The following ZBTB16 variants were observed in gnomAD, a reference collection of about 807,000 sequenced individuals.
ZBTB16 encodes zinc finger and BTB domain-containing protein 16.
A neutral mutation model predicts 56.8 loss-of-function variants in ZBTB16; 8 were observed. The observed-to-expected ratio is 0.14, with a 90% CI of 0.08 to 0.25. The LOEUF is 0.25. Ranked by LOEUF, ZBTB16 falls within the 10% of genes least tolerant of loss-of-function variation. The probability of loss-of-function intolerance (pLI) is 1.00; values close to 1 mark genes in which losing one functional copy is unlikely to be tolerated. For synonymous variants in ZBTB16, 363 were observed against 368.5 expected (o/e 0.98, Z 0.17); for missense variants, 625 against 903.0 (o/e 0.69, Z 3.95).
Position 114,064,547 on chromosome 11 carries a change from A to G in ZBTB16, c.1247A>G (p.Asn416Ser). 1 of 1,613,812 alleles carries G rather than the reference A, an allele frequency of 6.2e-7. No individual in the cohort carries two copies. The highest frequency in any genetic ancestry group is 2.2e-5 in the East Asian group (1 of 44,852). ...CSVCGVELPDNEAVEQHRKLH... is the reference protein window; with the variant it reads ...CSVCGVELPDSEAVEQHRKLH... ...GTGTGTGGGGTCGAGCTTCCTGATAACGAGGCTGTGGAGCAGCACAGGTAG... is the reference window on the plus strand; with the variant it reads ...GTGTGTGGGGTCGAGCTTCCTGATAGCGAGGCTGTGGAGCAGCACAGGTAG... The change falls in exon 2 of 7, where the codon AAC becomes AGC. Residue 416 changes from asparagine to serine, a missense_variant. Around this residue, in one of 6 missense-constraint regions of ZBTB16, gnomAD observed 384 missense variants for 393.5 expected, o/e 0.98. Transcript: ENST00000335953. The surrounding 1 kb of genome is among the most constrained non-coding windows in gnomAD (Gnocchi z 4.2).
chr11:114,201,979 A>G (rs1285912601), intron 4 of ZBTB16, among the ~76,000 whole-genome samples: 1 of 152,236 alleles, frequency 6.6e-6, no homozygotes, highest in Non-Finnish European at 1.5e-5. Context: ...TGCAAGTACA[A>G]ATAAATGAGT....
At chr11:114,208,796 A>T (rs1306791183) in intron 4 of ZBTB16, among the ~76,000 whole-genome samples, 1 of 152,236 alleles carries the variant, frequency 6.6e-6, no homozygotes, top group African/African-American at 2.4e-5. Flanking sequence ...TAATGAGGGA[A>T]ACAGACTGGT....
intron 4 of ZBTB16, among the ~76,000 whole-genome samples, chr11:114,199,893 C>A (rs1943696389): frequency 6.6e-6 from 1 of 152,118 alleles, no homozygotes; most frequent in Non-Finnish European, 1.5e-5. Flanking sequence ...CTTTGGGAGG[C>A]CGAGGTGGGC....
In ZBTB16 at chr11:114,206,921, G is replaced by T. The variant is rs192396781; in HGVS notation, c.1453+19883G>T. On this transcript the variant is annotated intron_variant, in intron 4 of 6. Transcript: ENST00000335953. ...TCTCTCAGGTGCCCTTGGTTTGACAGCTGCAGCTTGTTGGTCTGAAGGCAA... is the reference window on the plus strand; with the variant it reads ...TCTCTCAGGTGCCCTTGGTTTGACATCTGCAGCTTGTTGGTCTGAAGGCAA... Among the ~76,000 whole-genome samples, 508 of 152,308 alleles carry T rather than the reference G, an allele frequency of 3.3e-3. 4 individuals carry two copies. Among genetic ancestry groups the T allele is most frequent in the African/African-American group, 0.012 (486 of 41,562 alleles).
chr11:114,203,210 C>T (rs953979800), intron 4 of ZBTB16, among the ~76,000 whole-genome samples: 1 of 152,158 alleles, frequency 6.6e-6, no homozygotes, highest in African/African-American at 2.4e-5. Context: ...ACATGAAAGG[C>T]CATGAATTAG....
At chr11:114,190,552 T>A (rs1422342331) in intron 4 of ZBTB16, among the ~76,000 whole-genome samples, 1 of 152,208 alleles carries the variant, frequency 6.6e-6, no homozygotes, top group Non-Finnish European at 1.5e-5. Flanking sequence ...TGAAAAATCC[T>A]AAGTCGGGGA....
chr11:114,194,644 C>T (rs1018440008), intron 4 of ZBTB16, among the ~76,000 whole-genome samples: 7 of 152,220 alleles, frequency 4.6e-5, no homozygotes, highest in African/African-American at 1.7e-4. Context: ...AACAGCTAGG[C>T]AGTTCCCGAG....
At chr11:114,197,622 G>C (rs1341275843) in intron 4 of ZBTB16, among the ~76,000 whole-genome samples, 2 of 137,454 alleles carry the variant, frequency 1.5e-5, no homozygotes, top group Non-Finnish European at 3.1e-5. Flanking sequence ...CTTCAGAGTA[G>C]AAAATGAAGT....
rs573851958 is a variant in ZBTB16 at position 114,105,367 on chromosome 11, A to G, written c.1268+40799A>G. 7.9e-5 allele frequency among the ~76,000 whole-genome samples: 12 copies of G among 152,054 alleles called. No individual in the cohort carries two copies. In the South Asian group the frequency reaches 1.2e-3, roughly 16 times the overall value. ...GCAATTCTCCTGCCTCAGCCTCCCA[A>G]GTAGCTGGGACTACAGGCATTGCCA... On this transcript the variant is annotated intron_variant, in intron 2 of 6. Coordinates refer to ENST00000335953, the MANE Select transcript of ZBTB16 (RefSeq NM_006006.6).
intron 2 of ZBTB16, among the ~76,000 whole-genome samples, chr11:114,119,244 G>C (rs1475160430): frequency 7.5e-6 from 1 of 132,640 alleles, no homozygotes; most frequent in Non-Finnish European, 1.6e-5. Context: ...CAGCCCGGGT[G>C]AGAGAGTGAA....
chr11:114,127,093 C>T (rs775733485), intron 2 of ZBTB16, among the ~76,000 whole-genome samples: 1 of 152,108 alleles, frequency 6.6e-6, no homozygotes, highest in Non-Finnish European at 1.5e-5. Context: ...TTCCCCCTTG[C>T]CCCCCAACTC....
intron 2 of ZBTB16, among the ~76,000 whole-genome samples, chr11:114,067,587 A>G (rs771797709): frequency 1.3e-5 from 2 of 151,970 alleles, no homozygotes; most frequent in Non-Finnish European, 2.9e-5. Flanking sequence ...TTGTATTTTT[A>G]GTAGAGATGG....
intron 3 of ZBTB16, among the ~76,000 whole-genome samples, chr11:114,171,725 T>G (rs1565666213): frequency 6.6e-6 from 1 of 152,216 alleles, no homozygotes; most frequent in Admixed American, 6.5e-5. Flanking sequence ...AGCTATTTTT[T>G]TTTCCTACTC....
At chr11:114,215,814 G>A (rs1234168601) in intron 4 of ZBTB16, among the ~76,000 whole-genome samples, 3 of 152,138 alleles carry the variant, frequency 2.0e-5, no homozygotes, top group Admixed American at 2.0e-4. Flanking sequence ...GATCTTACAG[G>A]TAGATGTTGG....
At position 114,256,022 on chromosome 11, in the gene ZBTB16, G is replaced by GTTTTTTTTTTTTTTTTT. The variant is rs61107073; in HGVS notation, c.*5479_*5480insTTTTTTTTTTTTTTTTT. On this transcript the variant is annotated 3_prime_UTR_variant, in exon 7 of 7. Transcript: ENST00000335953. Reference sequence around the variant, plus strand: ...TTATTGAAGTACTTGGTTTTGTTTTGTTTTTTTTTTTTGTTTTTTTTGCCT... The same window carrying GTTTTTTTTTTTTTTTTT: ...TTATTGAAGTACTTGGTTTTGTTTTGTTTTTTTTTTTTTTTTTTTTTTTTTTTTTGTTTTTTTTGCCT... Among the ~76,000 whole-genome samples the GTTTTTTTTTTTTTTTTT allele has an allele frequency of 1.4e-5, 2 of 143,082 alleles. No homozygotes were observed. Among genetic ancestry groups the GTTTTTTTTTTTTTTTTT allele is most frequent in the Non-Finnish European group, 3.0e-5 (2 of 65,996 alleles). 93.9% of individuals were successfully genotyped at this position (143,082 alleles called of 152,430 possible).
chr11:114,097,828 C>T (rs549482501), intron 2 of ZBTB16, among the ~76,000 whole-genome samples: 5 of 152,136 alleles, frequency 3.3e-5, no homozygotes, highest in Non-Finnish European at 5.9e-5. Context: ...GAAAATCTTC[C>T]GCTCTGATTT....
At chr11:114,085,392 A>G (rs1027239404) in intron 2 of ZBTB16, among the ~76,000 whole-genome samples, 14 of 152,178 alleles carry the variant, frequency 9.2e-5, no homozygotes, top group Non-Finnish European at 2.1e-4. Flanking sequence ...ACTGAGCATC[A>G]CTGTGTACTA....
In ZBTB16 at chr11:114,252,571, G is replaced by A. The variant is rs935256008; in HGVS notation, c.*2016G>A. Among the ~76,000 whole-genome samples the A allele has an allele frequency of 2.6e-5, 4 of 152,086 alleles. No individual in the cohort carries two copies. Among genetic ancestry groups the A allele is most frequent in the Non-Finnish European group, 4.4e-5 (3 of 68,022 alleles). On this transcript the variant is annotated 3_prime_UTR_variant, in exon 7 of 7. Transcript: ENST00000335953. ...TTTGGAAAGCACATTTGCAATATTC[G>A]TGTTTGCTTTGGGACGGACCCTCCG...
intron 2 of ZBTB16, among the ~76,000 whole-genome samples, chr11:114,082,935 C>T (rs970234772): frequency 2.5e-4 from 38 of 152,286 alleles, no homozygotes; most frequent in African/African-American, 8.9e-4. Flanking sequence ...CGGCTGTGGT[C>T]GTAGCACTAC....
Sources: gnomAD v4.1 joint callset for allele counts (sites outside exome capture counted in the v4.1 genomes callset) on GRCh38, gnomAD v4.1.1 for gene constraint, gnomAD v4.1.1 regional missense constraint, Gnocchi (gnomAD v3.1) non-coding constraint, MANE v1.5 for transcripts, NCBI Gene and HGNC (gene_info 2026-07-23, HGNC 2026-07-21) for gene names.